The following OLFML1 variants were observed in gnomAD, a reference collection of about 807,000 sequenced individuals.
OLFML1 encodes the protein olfactomedin like 1.
Under a neutral mutation model 37.3 loss-of-function variants are expected in OLFML1, and 33 were observed. That is an observed-to-expected ratio of 0.88 (90% CI 0.67 to 1.18). OLFML1 has a LOEUF of 1.18. Among genes scored for constraint, OLFML1 ranks in the 50% most tolerant of loss-of-function variants. The pLI is 0.00. For missense variants in OLFML1, 545 were observed against 483.7 expected (o/e 1.13, Z -1.19); for synonymous variants, 186 against 181.3 (o/e 1.03, Z -0.21).
At chr11:7,501,530 TG>T (rs1848725615) in intron 2 of OLFML1, among the ~76,000 whole-genome samples, 2 of 152,258 alleles carry the variant, frequency 1.3e-5, no homozygotes, top group African/African-American at 4.8e-5. Flanking sequence ...CTGGCCACAG[TG>T]TGAGACAGGT....
At chr11:7,504,215 G>C (rs781548191) in intron 2 of OLFML1, among the ~76,000 whole-genome samples, 4 of 152,096 alleles carry the variant, frequency 2.6e-5, no homozygotes, top group Non-Finnish European at 5.9e-5. Flanking sequence ...TTTCCAAGCA[G>C]AGGGAACGAA....
In OLFML1 at chr11:7,509,501, G is replaced by C; in HGVS notation, c.522G>C (p.Lys174Asn). ...WMKDAVYNSP[K>N]VYLLIGSRNN... is the part of the protein sequence containing the mutation. ...AAGATGCTGTCTATAACTCTCCAAA[G>C]GTGTACTTATTAATTGGATCCAGAA... Residue 174 changes from lysine to asparagine, a missense_variant, in exon 3 of 3, where the codon AAG becomes AAC. By Grantham distance (94) the Lys-to-Asn change is moderately conservative. Transcript: ENST00000329293. 6.2e-7 allele frequency: 1 copy of C among 1,613,902 alleles called. No homozygotes were observed. Among genetic ancestry groups the C allele is most frequent in the Non-Finnish European group, 8.5e-7 (1 of 1,179,930 alleles).
intron 1 of OLFML1, 83 bp downstream of exon 1, chr11:7,486,087 G>T: frequency 7.4e-7 from 1 of 1,356,060 alleles, no homozygotes; most frequent in Non-Finnish European, 1.0e-6. Context: ...TATCTACTGG[G>T]TTGTATTTTT....
Position 7,485,879 on chromosome 11 carries a change from A to T in OLFML1, c.4A>T (p.Met2Leu), listed in dbSNP as rs1374539198. 1.9e-6 allele frequency: 3 copies of T among 1,613,010 alleles called. No individual in the cohort carries two copies. Among genetic ancestry groups the T allele is most frequent in the Non-Finnish European group, 2.5e-6 (3 of 1,179,874 alleles). M[M>L]VALRGASALL... ...GCCCTGCTTGGTGTTTTGCAGGATG[A>T]TGGTGGCCCTTCGAGGAGCTTCTGC... The change falls in exon 1 of 3, where the codon ATG becomes TTG. Residue 2 changes from methionine to leucine, a missense_variant. By Grantham distance (15) the Met-to-Leu change is conservative (BLOSUM62 2). Transcript: ENST00000329293.
intron 2 of OLFML1, among the ~76,000 whole-genome samples, chr11:7,502,634 T>C (rs900136131): frequency 6.6e-6 from 1 of 151,554 alleles, no homozygotes; most frequent in African/African-American, 2.4e-5. Context: ...TGGGACAGAG[T>C]CTCGCTCTGT....
chr11:7,490,642 A>G (rs987429568), intron 2 of OLFML1, among the ~76,000 whole-genome samples: 4 of 152,166 alleles, frequency 2.6e-5, no homozygotes, highest in African/African-American at 9.7e-5. Flanking sequence ...TCTGTGGTAT[A>G]TGAAAACTTA....
Position 7,490,293 on chromosome 11 carries a change from G to A in OLFML1, c.418+1878G>A, listed in dbSNP as rs60448758. On this transcript the variant is annotated intron_variant, in intron 2 of 2. Coordinates refer to ENST00000329293, the MANE Select transcript of OLFML1 (RefSeq NM_198474.4). ...CATCCTCAAAGAGGGAGAAGCTGGC[G>A]GTAAGCACAGAGTGAGGGAAGGAAA... 3.9e-3 allele frequency among the ~76,000 whole-genome samples: 592 copies of A among 152,158 alleles called. 4 individuals carry two copies. Among genetic ancestry groups the A allele is most frequent in the African/African-American group, 0.013 (557 of 41,478 alleles).
chr11:7,493,566 AG>A (rs1230426074), intron 2 of OLFML1, among the ~76,000 whole-genome samples: 1 of 152,210 alleles, frequency 6.6e-6, no homozygotes, highest in East Asian at 1.9e-4. Context: ...TTCGGTATTC[AG>A]GGGGATGGCA....
At position 7,509,784 on chromosome 11, in the gene OLFML1, T is replaced by G; in HGVS notation, c.805T>G (p.Tyr269Asp). ...GGTTTACCAGCACTCCCCCTCAACTTACATTGACCTGGCTGTGGATGAGCA... is the reference window on the plus strand; with the variant it reads ...GGTTTACCAGCACTCCCCCTCAACTGACATTGACCTGGCTGTGGATGAGCA... ...ALVYQHSPST[Y>D]IDLAVDEHGL... Residue 269 changes from tyrosine (Y) to aspartate (D), a missense_variant, in exon 3 of 3, where the codon TAC becomes GAC. Tyr to Asp is a radical substitution (Grantham distance 160). Transcript: ENST00000329293. The G allele has an allele frequency of 6.2e-7, 1 of 1,614,222 alleles. No homozygotes were observed. Among genetic ancestry groups the G allele is most frequent in the Non-Finnish European group, 8.5e-7 (1 of 1,180,028 alleles).
At chr11:7,487,148 T>C (rs1026143969) in intron 1 of OLFML1, among the ~76,000 whole-genome samples, 1 of 152,242 alleles carries the variant, frequency 6.6e-6, no homozygotes, top group Non-Finnish European at 1.5e-5. Context: ...GATCCTTTTA[T>C]AGCTATGAAT....
intron 2 of OLFML1, among the ~76,000 whole-genome samples, chr11:7,493,928 C>T (rs1848632890): frequency 6.6e-6 from 1 of 152,052 alleles, no homozygotes; most frequent in Non-Finnish European, 1.5e-5. Flanking sequence ...AGCTTATGGC[C>T]AAGGGGAGAA....
chr11:7,496,987 G>A (rs935121672), intron 2 of OLFML1, among the ~76,000 whole-genome samples: 1 of 152,146 alleles, frequency 6.6e-6, no homozygotes, highest in Admixed American at 6.5e-5. Context: ...CCTTGATCAT[G>A]CCATTGTACT....
chr11:7,506,505 G>A (rs1047850477), intron 2 of OLFML1, among the ~76,000 whole-genome samples: 2 of 152,280 alleles, frequency 1.3e-5, no homozygotes, highest in Non-Finnish European at 1.5e-5. Flanking sequence ...TGGCCAGGGC[G>A]GGGTGTGTGG....
At chr11:7,501,661 C>T (rs2134183616) in intron 2 of OLFML1, among the ~76,000 whole-genome samples, 1 of 152,302 alleles carries the variant, frequency 6.6e-6, no homozygotes, top group East Asian at 1.9e-4. Context: ...CATGTGTTCC[C>T]TTCATGAAAA....
chr11:7,507,113 G>A (rs1012274345), intron 2 of OLFML1, among the ~76,000 whole-genome samples: 10 of 152,162 alleles, frequency 6.6e-5, no homozygotes, highest in African/African-American at 2.4e-4. Context: ...TTGACAGCAC[G>A]AGACACAAAG....
chr11:7,485,711 T>A lies in OLFML1; in HGVS notation c.-165T>A. The A allele has an allele frequency of 1.4e-6, 1 of 708,406 alleles. No individual in the cohort carries two copies. Among genetic ancestry groups the A allele is most frequent in the Non-Finnish European group, 2.4e-6 (1 of 415,716 alleles). The allele number at this position is 708,406 out of a possible 1,614,324, so 43.9% of individuals were successfully genotyped here. ...CACTAGCTGGCAAACTGAGCTCACG[T>A]ATCGGGTGGAATAACAAGCGGACTT... On this transcript the variant is annotated 5_prime_UTR_variant, in exon 1 of 3. Transcript: ENST00000329293.
At chr11:7,488,879 G>C (rs1848562013) in intron 2 of OLFML1, 1 of 157,248 alleles carries the variant, frequency 6.4e-6, no homozygotes, top group Admixed American at 6.1e-5. Flanking sequence ...ACTATTGTGT[G>C]TGCTGTCTGA....
intron 2 of OLFML1, among the ~76,000 whole-genome samples, chr11:7,504,274 T>C (rs2134185243): frequency 6.6e-6 from 1 of 152,008 alleles, no homozygotes; most frequent in South Asian, 2.1e-4. Flanking sequence ...ATCTGAGAAA[T>C]AGCAGAAGTC....
intron 2 of OLFML1, among the ~76,000 whole-genome samples, chr11:7,508,690 GAATA>G (rs1487310396): frequency 6.6e-6 from 1 of 152,194 alleles, no homozygotes; most frequent in African/African-American, 2.4e-5. Context: ...ATACATTCAT[GAATA>G]AATAAATAGA....
Sources: gnomAD v4.1 joint callset for allele counts (sites outside exome capture counted in the v4.1 genomes callset) on GRCh38, gnomAD v4.1.1 for gene constraint, MANE v1.5 for transcripts, NCBI Gene and HGNC (gene_info 2026-07-23, HGNC 2026-07-21) for gene names.